Variants in HVCN1 observed in about 807,000 individuals in gnomAD.
The protein encoded by HVCN1 is voltage-gated hydrogen channel 1.
HVCN1 carries 14 observed loss-of-function variants against 29.2 expected under a neutral mutation model. That is an observed-to-expected ratio of 0.48 (90% confidence interval 0.32 to 0.75). The LOEUF (loss-of-function observed/expected upper bound fraction) is 0.75, where lower values mean the gene tolerates loss of function less well. Among genes scored for constraint, HVCN1 ranks in the 30% least tolerant of loss-of-function variants. The pLI is 0.04. For missense variants in HVCN1, 263 were observed against 341.8 expected (o/e 0.77, Z 1.82); for synonymous variants, 131 against 133.2 (o/e 0.98, Z 0.11).
chr12:110,686,038 G>C (rs1226294113), intron 2 of HVCN1, among the ~76,000 whole-genome samples: 1 of 151,660 alleles, frequency 6.6e-6, no homozygotes, highest in Non-Finnish European at 1.5e-5. Context: ...TCGTTCTGTT[G>C]CCTAGGCTGG....
rs1208364408 is a variant in HVCN1, at chr12:110,648,883, A to C, written c.*527T>G. 2 of 388,768 alleles carry C rather than the reference A, an allele frequency of 5.1e-6. No individual in the cohort carries two copies. Among genetic ancestry groups the C allele is most frequent in the African/African-American group, 2.1e-5 (1 of 46,646 alleles). The allele number at this position is 388,768 out of a possible 1,614,324, so 24.1% of individuals were successfully genotyped here. ...GTTGTCAGGTGGCAGAAAACAATGG[A>C]GCCACCTAGAAGCTGGCTGATGCAG... is the stretch of plus-strand genomic sequence containing the variant. On this transcript the variant is annotated 3_prime_UTR_variant, in exon 8 of 8. Transcript: ENST00000242607.
At chr12:110,675,531 G>A (rs891325091) in intron 3 of HVCN1, among the ~76,000 whole-genome samples, 3 of 152,158 alleles carry the variant, frequency 2.0e-5, no homozygotes, top group Non-Finnish European at 4.4e-5. Context: ...ACTCAAGTCC[G>A]CTAGCTTTGT....
chr12:110,674,812 C>CT (rs2068694860), intron 3 of HVCN1, among the ~76,000 whole-genome samples: 1 of 152,126 alleles, frequency 6.6e-6, no homozygotes, highest in Non-Finnish European at 1.5e-5. Flanking sequence ...TCAGGTATGT[C>CT]TTTATCAGCA....
At chr12:110,679,193 A>G (rs568074542) in intron 3 of HVCN1, among the ~76,000 whole-genome samples, 2 of 152,302 alleles carry the variant, frequency 1.3e-5, no homozygotes, top group African/African-American at 4.8e-5. Flanking sequence ...AGAGCTTCCA[A>G]TTCAACCCAT....
chr12:110,678,139 G>A (rs1355418011), intron 3 of HVCN1, among the ~76,000 whole-genome samples: 1 of 152,202 alleles, frequency 6.6e-6, no homozygotes, highest in East Asian at 1.9e-4. Context: ...AGAACAGAGA[G>A]GCCAGTGACT....
intron 3 of HVCN1, among the ~76,000 whole-genome samples, chr12:110,665,616 A>C (rs2068320188): frequency 6.6e-6 from 1 of 152,158 alleles, no homozygotes; most frequent in South Asian, 2.1e-4. Flanking sequence ...GAAAGACTTG[A>C]AAACAGATAT....
intron 6 of HVCN1, 105 bp downstream of exon 6, chr12:110,651,112 G>A (rs2067796991): frequency 1.6e-5 from 12 of 768,546 alleles, no homozygotes; most frequent in African/African-American, 3.5e-5. Context: ...TCCATAACAG[G>A]AGCCACTGTG....
Position 110,676,723 on chromosome 12 carries a change from G to A in HVCN1, c.21+6502C>T, listed in dbSNP as rs537126105. On this transcript the variant is annotated intron_variant, in intron 3 of 7. Coordinates refer to ENST00000242607, the MANE Select transcript of HVCN1 (RefSeq NM_032369.4). The surrounding 1 kb of genome is among the most constrained non-coding windows in gnomAD (Gnocchi z 4.1). ...ACCTCTGCCCCCAACCCAGGAGAGG[G>A]CTCTGGAAGCTTGTGCCAGGTTTTT... is the stretch of plus-strand genomic sequence containing the variant. Among the ~76,000 whole-genome samples the A allele has an allele frequency of 2.0e-5, 3 of 152,220 alleles. No homozygotes were observed. The South Asian group carries it at 6.2e-4, about 32-fold the overall frequency.
rs564651530 is a variant in HVCN1 at position 110,658,496 on chromosome 12, G to A, written c.306+2668C>T. On this transcript the variant is annotated intron_variant, in intron 4 of 7. Coordinates refer to ENST00000242607, the MANE Select transcript of HVCN1 (RefSeq NM_032369.4). This position sits in a 1 kb window ranked among gnomAD's most constrained non-coding sequence, Gnocchi z 5.0. ...CAACACCCATACCCGATCCACGTGCGCCCTTCTCAATTCCTCCAATGCTGC... is the reference window on the plus strand; with the variant it reads ...CAACACCCATACCCGATCCACGTGCACCCTTCTCAATTCCTCCAATGCTGC... Among the ~76,000 whole-genome samples, 27 of 152,046 alleles carry A rather than the reference G, an allele frequency of 1.8e-4. No individual in the cohort carries two copies. Among genetic ancestry groups the A allele is most frequent in the South Asian group, 4.2e-4 (2 of 4,818 alleles).
intron 3 of HVCN1, among the ~76,000 whole-genome samples, chr12:110,662,264 C>T (rs2136303280): frequency 6.6e-6 from 1 of 152,188 alleles, no homozygotes; most frequent in East Asian, 1.9e-4. Flanking sequence ...CACCTTGCCC[C>T]CCACACAGAA....
chr12:110,662,128 A>G (rs1032859855), intron 3 of HVCN1, among the ~76,000 whole-genome samples: 6 of 152,122 alleles, frequency 3.9e-5, no homozygotes, highest in African/African-American at 1.2e-4. Context: ...AGCCCAATGG[A>G]AGAGAGAGCC....
chr12:110,648,688 T>C lies in HVCN1; in HGVS notation c.*722A>G, dbSNP rs1373270559. 4.6e-6 allele frequency: 1 copy of C among 216,346 alleles called. No homozygotes were observed. The highest frequency in any genetic ancestry group is 9.1e-6 in the Non-Finnish European group (1 of 109,360). The allele number at this position is 216,346 out of a possible 1,614,324, so 13.4% of individuals were successfully genotyped here. On this transcript the variant is annotated 3_prime_UTR_variant, in exon 8 of 8. Transcript: ENST00000242607. ...AATTATAGTGGAGTCTTGGGTCTAA[T>C]TGCCATTTCTGCACCAGGCACTGTA...
chr12:110,692,034 G>A (rs1013123367), upstream of HVCN1, among the ~76,000 whole-genome samples: 1 of 152,166 alleles, frequency 6.6e-6, no homozygotes, highest in African/African-American at 2.4e-5. Context: ...GCATTTCAGT[G>A]GACAGGAAAA....
rs373110681 is a variant in HVCN1, at chr12:110,661,600, G to T, written c.22-152C>A. ...GACCATGAGGTCACGGTGGTTTCTC[G>T]TGCTTTTATTTTTGGAATCCAGGGT... On this transcript the variant is annotated intron_variant, in intron 3 of 7. Coordinates refer to ENST00000242607, the MANE Select transcript of HVCN1 (RefSeq NM_032369.4). This position sits in a 1 kb window ranked among gnomAD's most constrained non-coding sequence, Gnocchi z 6.2. 1 of 695,474 alleles carries T rather than the reference G, an allele frequency of 1.4e-6. No homozygotes were observed. The allele number at this position is 695,474 out of a possible 1,614,324, so 43.1% of individuals were successfully genotyped here. A position where few individuals can be genotyped will look rare whatever the true frequency, so the allele number is the denominator to read the frequency against.
At chr12:110,672,134 T>G (rs969082130) in intron 3 of HVCN1, among the ~76,000 whole-genome samples, 3 of 152,122 alleles carry the variant, frequency 2.0e-5, no homozygotes, top group Non-Finnish European at 4.4e-5. Flanking sequence ...TATATCAAAA[T>G]TTTATTTCCT....
At chr12:110,662,398 TA>T (rs2068208146) in intron 3 of HVCN1, among the ~76,000 whole-genome samples, 1 of 152,140 alleles carries the variant, frequency 6.6e-6, no homozygotes, top group Non-Finnish European at 1.5e-5. Context: ...ATTGCTTAAA[TA>T]ACACAAAACA....
At chr12:110,663,300 A>T (rs2068236996) in intron 3 of HVCN1, among the ~76,000 whole-genome samples, 1 of 152,156 alleles carries the variant, frequency 6.6e-6, no homozygotes, top group Non-Finnish European at 1.5e-5. Context: ...AAAAATGTTC[A>T]CTGCAAATAT....
At chr12:110,683,860 G>A (rs575030401) in intron 2 of HVCN1, among the ~76,000 whole-genome samples, 102 of 145,090 alleles carry the variant, frequency 7.0e-4, no homozygotes, top group African/African-American at 2.1e-3. Flanking sequence ...GCAGTAAGCC[G>A]AGATCGTGCC....
chr12:110,680,879 G>A (rs1337050301), intron 3 of HVCN1, among the ~76,000 whole-genome samples: 2 of 152,082 alleles, frequency 1.3e-5, no homozygotes, highest in East Asian at 1.9e-4. Context: ...GAAGTGAGCC[G>A]AGATTGCACC....
Sources: gnomAD v4.1 joint callset for allele counts (sites outside exome capture counted in the v4.1 genomes callset) on GRCh38, gnomAD v4.1.1 for gene constraint, Gnocchi (gnomAD v3.1) non-coding constraint, MANE v1.5 for transcripts, NCBI Gene and HGNC (gene_info 2026-07-23, HGNC 2026-07-21) for gene names.